C2CD4A: variants seen among roughly 807,000 people sequenced by gnomAD.
C2CD4A encodes C2 calcium dependent domain containing 4A.
C2CD4A carries 2 observed loss-of-function variants against 0.4 expected under a neutral mutation model. The observed-to-expected ratio is 4.45, with a 90% CI of 1.82 to 13.99. The LOEUF (loss-of-function observed/expected upper bound fraction) is 13.99. C2CD4A is among the 30% of genes most tolerant of loss of function. C2CD4A has a pLI of 0.04. For synonymous variants in C2CD4A, 297 were observed against 280.8 expected, an observed-to-expected ratio of 1.06 and a Z score of -0.58; for missense variants, 610 against 574.2, an observed-to-expected ratio of 1.06 and a Z score of -0.64.
chr15:62,067,744 A>C lies in C2CD4A; in HGVS notation c.131A>C (p.Asp44Ala). 3 of 1,612,778 alleles carry C rather than the reference A, an allele frequency of 1.9e-6. No individual in the cohort carries two copies. Among genetic ancestry groups the C allele is most frequent in the Admixed American group, 1.7e-5 (1 of 60,014 alleles). ...TAACANVLTP[D>A]RIPEFCIPPR... ...GCGTGCGCAAATGTGCTCACTCCGGACCGCATCCCTGAGTTCTGCATCCCG... is the reference window on the plus strand; with the variant it reads ...GCGTGCGCAAATGTGCTCACTCCGGCCCGCATCCCTGAGTTCTGCATCCCG... Residue 44 changes from aspartate to alanine, a missense_variant, in exon 2 of 2, where the codon GAC becomes GCC. Coordinates refer to ENST00000355522, the MANE Select transcript of C2CD4A (RefSeq NM_207322.3).
In C2CD4A at chr15:62,068,491, G is replaced by C. The variant is rs780595625; in HGVS notation, c.878G>C (p.Arg293Pro). 5 of 1,485,738 alleles carry C rather than the reference G, an allele frequency of 3.4e-6. No individual in the cohort carries two copies. The South Asian group carries it at 3.9e-5, about 11-fold the overall frequency. 92.0% of individuals were successfully genotyped at this position (1,485,738 alleles called of 1,614,324 possible). A position where few individuals can be genotyped will look rare whatever the true frequency, so the allele number is the denominator to read the frequency against. The change falls in exon 2 of 2, where the codon CGC (arginine) becomes CCC (proline). Residue 293 changes from arginine (R) to proline (P), a missense_variant. Transcript: ENST00000355522. ...CCCGGGCCCCGAGCCGTCAGCTGTC[G>C]CCTCAGCCTCGTCCTGCGGCCGCCG... ...GAPGPRAVSC[R>P]LSLVLRPPGT... is the part of the protein sequence containing the mutation.
chr15:62,067,882 C>T lies in C2CD4A; in HGVS notation c.269C>T (p.Ala90Val). ...RTDWDPRSQA[A>V]LSLPHLPRVR... ...GACTGGGACCCGCGCTCGCAGGCCG[C>T]GCTGTCACTGCCGCACCTGCCCCGT... Residue 90 changes from alanine to valine, a missense_variant, in exon 2 of 2, where the codon GCG (alanine) becomes GTG (valine). By Grantham distance (64) the Ala-to-Val change is moderately conservative. Coordinates refer to ENST00000355522, the MANE Select transcript of C2CD4A (RefSeq NM_207322.3). 1 of 1,604,028 alleles carries T rather than the reference C, an allele frequency of 6.2e-7. No individual in the cohort carries two copies. Among genetic ancestry groups the T allele is most frequent in the South Asian group, 1.1e-5 (1 of 90,548 alleles).
rs1244950042 is a variant in C2CD4A at position 62,068,103 on chromosome 15, T to G, written c.490T>G (p.Cys164Gly). ...PGPATPAAPG[C>G]PRPPQDALAR... is the part of the protein sequence containing the mutation. Reference sequence around the variant, plus strand: ...CCCGGCGACCCCCGCGGCCCCCGGCTGTCCCCGCCCGCCCCAGGACGCGCT... The same window carrying G: ...CCCGGCGACCCCCGCGGCCCCCGGCGGTCCCCGCCCGCCCCAGGACGCGCT... Residue 164 changes from cysteine to glycine, a missense_variant, in exon 2 of 2, where the codon TGT becomes GGT. By Grantham distance (159) the Cys-to-Gly change is radical (BLOSUM62 -3). Transcript: ENST00000355522. 78 of 1,147,800 alleles carry G rather than the reference T, an allele frequency of 6.8e-5. No homozygotes were observed. The highest frequency in any genetic ancestry group is 8.0e-5 in the Non-Finnish European group (75 of 936,482). 71.1% of individuals were successfully genotyped at this position (1,147,800 alleles called of 1,614,324 possible).
In C2CD4A at chr15:62,068,857, T is replaced by G. The variant is rs1300421533; in HGVS notation, c.*134T>G. Reference sequence around the variant, plus strand: ...AACACTGGCAGAGATGATTCTAGATTAACTATCCCAGTAAAAGATATGATA... The same window carrying G: ...AACACTGGCAGAGATGATTCTAGATGAACTATCCCAGTAAAAGATATGATA... On this transcript the variant is annotated 3_prime_UTR_variant, in exon 2 of 2. Transcript: ENST00000355522. 2 of 1,200,300 alleles carry G rather than the reference T, an allele frequency of 1.7e-6. No homozygotes were observed. The highest frequency in any genetic ancestry group is 1.6e-5 in the African/African-American group (1 of 62,654). 74.4% of individuals were successfully genotyped at this position (1,200,300 alleles called of 1,614,324 possible). A position where few individuals can be genotyped will look rare whatever the true frequency, so the allele number is the denominator to read the frequency against.
chr15:62,068,309 G>A lies in C2CD4A; in HGVS notation c.696G>A (p.Pro232=). 7.1e-7 allele frequency: 1 copy of A among 1,418,288 alleles called. No homozygotes were observed. The highest frequency in any genetic ancestry group is 1.4e-5 in the South Asian group (1 of 70,194). 87.9% of individuals were successfully genotyped at this position (1,418,288 alleles called of 1,614,324 possible). A position where few individuals can be genotyped will look rare whatever the true frequency, so the allele number is the denominator to read the frequency against. ...CCCGGGCCCCCTCCACGAGCCCGCCGTCGTCCCGGGTCCCGTTTCCCGAGC... is the reference window on the plus strand; with the variant it reads ...CCCGGGCCCCCTCCACGAGCCCGCCATCGTCCCGGGTCCCGTTTCCCGAGC... The part of the protein sequence containing the change: ...SPARAPSTSP[P]SSRVPFPERL... The change falls in exon 2 of 2, where the codon CCG becomes CCA. Residue 232 remains proline (P), a synonymous_variant. Coordinates refer to ENST00000355522, the MANE Select transcript of C2CD4A (RefSeq NM_207322.3).
rs769796624 is a variant in C2CD4A at position 62,067,742 on chromosome 15, G to C, written c.129G>C (p.Pro43=). 2.5e-6 allele frequency: 4 copies of C among 1,612,762 alleles called. No individual in the cohort carries two copies. In the South Asian group the frequency reaches 3.3e-5, roughly 13 times the overall value. The part of the protein sequence containing the change: ...TTAACANVLT[P]DRIPEFCIPP... ...CCGCGTGCGCAAATGTGCTCACTCCGGACCGCATCCCTGAGTTCTGCATCC... is the reference window on the plus strand; with the variant it reads ...CCGCGTGCGCAAATGTGCTCACTCCCGACCGCATCCCTGAGTTCTGCATCC... Residue 43 remains proline (P), a synonymous_variant, in exon 2 of 2, where the codon CCG becomes CCC. Transcript: ENST00000355522.
rs998738889 is a variant in C2CD4A at position 62,067,643 on chromosome 15, T to C, written c.30T>C (p.Gly10=). MWCLERLRL[G]PECLRRSGDW... ...GGTGCCTGGAGCGACTCCGCTTGGGTCCTGAGTGCCTTCGGCGGAGCGGAG... is the reference window on the plus strand; with the variant it reads ...GGTGCCTGGAGCGACTCCGCTTGGGCCCTGAGTGCCTTCGGCGGAGCGGAG... The change falls in exon 2 of 2, where the codon GGT becomes GGC. Residue 10 remains glycine (G), a synonymous_variant. Transcript: ENST00000355522. 1 of 1,602,500 alleles carries C rather than the reference T, an allele frequency of 6.2e-7. No homozygotes were observed. The highest frequency in any genetic ancestry group is 1.3e-5 in the African/African-American group (1 of 74,864).
Position 62,069,018 on chromosome 15 carries a change from T to C in C2CD4A, c.*295T>C, listed in dbSNP as rs2049066723. 1 of 365,504 alleles carries C rather than the reference T, an allele frequency of 2.7e-6. No homozygotes were observed. The highest frequency in any genetic ancestry group is 5.1e-6 in the Non-Finnish European group (1 of 197,076). 22.6% of individuals were successfully genotyped at this position (365,504 alleles called of 1,614,324 possible). A position where few individuals can be genotyped will look rare whatever the true frequency, so the allele number is the denominator to read the frequency against. The stretch of plus-strand genomic sequence containing the variant: ...AATGAATCACATGAAGTGTTAGAAC[T>C]AGAAAGTGTCTTGGCGATCTGTTTG... On this transcript the variant is annotated 3_prime_UTR_variant, in exon 2 of 2. Transcript: ENST00000355522.
In C2CD4A at chr15:62,068,310, T is replaced by C; in HGVS notation, c.697T>C (p.Ser233Pro). 2.1e-6 allele frequency: 3 copies of C among 1,418,524 alleles called. No individual in the cohort carries two copies. Among genetic ancestry groups the C allele is most frequent in the Non-Finnish European group, 2.8e-6 (3 of 1,087,388 alleles). The allele number at this position is 1,418,524 out of a possible 1,614,324, so 87.9% of individuals were successfully genotyped here. Residue 233 changes from serine to proline, a missense_variant, in exon 2 of 2, where the codon TCG becomes CCG. Coordinates refer to ENST00000355522, the MANE Select transcript of C2CD4A (RefSeq NM_207322.3). The stretch of plus-strand genomic sequence containing the variant: ...CCGGGCCCCCTCCACGAGCCCGCCG[T>C]CGTCCCGGGTCCCGTTTCCCGAGCG... ...PARAPSTSPPSSRVPFPERLE... is the reference protein window; with the variant it reads ...PARAPSTSPPPSRVPFPERLE...
In C2CD4A at chr15:62,068,639, G is replaced by C. The variant is rs748177039; in HGVS notation, c.1026G>C (p.Lys342Asn). ...DEVRRLAVRV[K>N]ARDEGRGRER... The stretch of plus-strand genomic sequence containing the variant: ...TGCGCCGCCTGGCCGTTCGAGTCAA[G>C]GCCCGGGACGAGGGCCGCGGCCGGG... The change falls in exon 2 of 2, where the codon AAG (lysine) becomes AAC (asparagine). Residue 342 changes from lysine to asparagine, a missense_variant. Transcript: ENST00000355522. 9.0e-6 allele frequency: 14 copies of C among 1,553,110 alleles called. No homozygotes were observed. The highest frequency in any genetic ancestry group is 1.7e-4 in the Middle Eastern group (1 of 5,940).
rs1035326539 is a variant in C2CD4A at position 62,068,297 on chromosome 15, C to G, written c.684C>G (p.Ser228=). ...AGSQSPARAP[S]TSPPSSRVPF... ...CCCAGTCCCCGGCCCGGGCCCCCTCCACGAGCCCGCCGTCGTCCCGGGTCC... is the reference window on the plus strand; with the variant it reads ...CCCAGTCCCCGGCCCGGGCCCCCTCGACGAGCCCGCCGTCGTCCCGGGTCC... The change falls in exon 2 of 2, where the codon TCC becomes TCG. Residue 228 remains serine, a synonymous_variant. Coordinates refer to ENST00000355522, the MANE Select transcript of C2CD4A (RefSeq NM_207322.3). 7.1e-7 allele frequency: 1 copy of G among 1,416,728 alleles called. No individual in the cohort carries two copies. The highest frequency in any genetic ancestry group is 2.7e-5 in the Admixed American group (1 of 37,386). 87.8% of individuals were successfully genotyped at this position (1,416,728 alleles called of 1,614,324 possible). A position where few individuals can be genotyped will look rare whatever the true frequency, so the allele number is the denominator to read the frequency against.
In C2CD4A at chr15:62,067,630, G is replaced by T; in HGVS notation, c.17G>T (p.Arg6Leu). 3 of 1,595,488 alleles carry T rather than the reference G, an allele frequency of 1.9e-6. No individual in the cohort carries two copies. Among genetic ancestry groups the T allele is most frequent in the South Asian group, 1.1e-5 (1 of 90,072 alleles). ...AGTGGCCAGATGTGGTGCCTGGAGC[G>T]ACTCCGCTTGGGTCCTGAGTGCCTT... MWCLE[R>L]LRLGPECLRR... The change falls in exon 2 of 2, where the codon CGA becomes CTA. Residue 6 changes from arginine (R) to leucine (L), a missense_variant. Physicochemically the swap from Arg to Leu is moderately radical, Grantham distance 102 (BLOSUM62 -2). Transcript: ENST00000355522.
Position 62,068,102 on chromosome 15 carries a change from C to G in C2CD4A, c.489C>G (p.Gly163=). The G allele has an allele frequency of 8.7e-7, 1 of 1,146,580 alleles. No individual in the cohort carries two copies. The highest frequency in any genetic ancestry group is 1.1e-6 in the Non-Finnish European group (1 of 935,590). 71.0% of individuals were successfully genotyped at this position (1,146,580 alleles called of 1,614,324 possible). The change falls in exon 2 of 2, where the codon GGC becomes GGG. Residue 163 remains glycine, a synonymous_variant. Transcript: ENST00000355522. ...GCCCGGCGACCCCCGCGGCCCCCGG[C>G]TGTCCCCGCCCGCCCCAGGACGCGC... ...APGPATPAAP[G]CPRPPQDALA...
In C2CD4A at chr15:62,070,256, A is replaced by T; in HGVS notation, c.*1533A>T. The T allele has an allele frequency of 2.4e-6, 1 of 413,152 alleles. No individual in the cohort carries two copies. The highest frequency in any genetic ancestry group is 4.4e-6 in the Non-Finnish European group (1 of 226,130). The allele number at this position is 413,152 out of a possible 1,614,324, so 25.6% of individuals were successfully genotyped here. A position where few individuals can be genotyped will look rare whatever the true frequency, so the allele number is the denominator to read the frequency against. ...TTAAATATACAGGATGGTGTTAAAT[A>T]TGACTCCATTATCAATCTGGATTCA... is the stretch of plus-strand genomic sequence containing the variant. On this transcript the variant is annotated 3_prime_UTR_variant, in exon 2 of 2. Coordinates refer to ENST00000355522, the MANE Select transcript of C2CD4A (RefSeq NM_207322.3).
At position 62,068,142 on chromosome 15, in the gene C2CD4A, C is replaced by G. The variant is rs1229713426; in HGVS notation, c.529C>G (p.Arg177Gly). 5.0e-6 allele frequency: 6 copies of G among 1,207,498 alleles called. No homozygotes were observed. Among genetic ancestry groups the G allele is most frequent in the Non-Finnish European group, 6.2e-6 (6 of 974,652 alleles). The allele number at this position is 1,207,498 out of a possible 1,614,324, so 74.8% of individuals were successfully genotyped here. A position where few individuals can be genotyped will look rare whatever the true frequency, so the allele number is the denominator to read the frequency against. Residue 177 changes from arginine to glycine, a missense_variant, in exon 2 of 2, where the codon CGC (arginine) becomes GGC (glycine). Transcript: ENST00000355522. ...CCAGGACGCGCTCGCCCGGCGGCCC[C>G]GCGGCTGCCGCCTCCTGCGCGTCCC... ...PPQDALARRPRGCRLLRVPDG... is the reference protein window; with the variant it reads ...PPQDALARRPGGCRLLRVPDG...
rs1004310860 is a variant in C2CD4A, at chr15:62,068,231, C to G, written c.618C>G (p.Ser206=). 3 of 1,374,688 alleles carry G rather than the reference C, an allele frequency of 2.2e-6. No individual in the cohort carries two copies. Among genetic ancestry groups the G allele is most frequent in the Non-Finnish European group, 2.8e-6 (3 of 1,062,822 alleles). 85.2% of individuals were successfully genotyped at this position (1,374,688 alleles called of 1,614,324 possible). A position where few individuals can be genotyped will look rare whatever the true frequency, so the allele number is the denominator to read the frequency against. ...GTCGCCGCCTGACCCGCGTCCGCTCCGTCTCCAGCGGGAACGAGGACAAGG... is the reference window on the plus strand; with the variant it reads ...GTCGCCGCCTGACCCGCGTCCGCTCGGTCTCCAGCGGGAACGAGGACAAGG... ...GRSRRLTRVR[S]VSSGNEDKER... Residue 206 remains serine, a synonymous_variant, in exon 2 of 2, where the codon TCC becomes TCG. Coordinates refer to ENST00000355522, the MANE Select transcript of C2CD4A (RefSeq NM_207322.3).
Position 62,067,734 on chromosome 15 carries a change from C to T in C2CD4A, c.121C>T (p.Leu41Phe). The change falls in exon 2 of 2, where the codon CTC becomes TTC. Residue 41 changes from leucine (L) to phenylalanine (F), a missense_variant. Physicochemically the swap from Leu to Phe is conservative, Grantham distance 22 (BLOSUM62 0). Transcript: ENST00000355522. ...CACCACCGCCGCGTGCGCAAATGTG[C>T]TCACTCCGGACCGCATCCCTGAGTT... ...SRTTAACANV[L>F]TPDRIPEFCI... 1 of 1,612,550 alleles carries T rather than the reference C, an allele frequency of 6.2e-7. No homozygotes were observed.
Position 62,069,083 on chromosome 15 carries a change from A to G in C2CD4A, c.*360A>G, listed in dbSNP as rs938733476. The G allele has an allele frequency of 2.4e-5, 6 of 247,856 alleles. No individual in the cohort carries two copies. Among genetic ancestry groups the G allele is most frequent in the Admixed American group, 5.6e-5 (1 of 17,746 alleles). The allele number at this position is 247,856 out of a possible 1,614,324, so 15.4% of individuals were successfully genotyped here. On this transcript the variant is annotated 3_prime_UTR_variant, in exon 2 of 2. Transcript: ENST00000355522. ...TTTTAAAATTGGTGCTTTCCACAACATGCATGGAGACCATCTTGGAGCATT... is the reference window on the plus strand; with the variant it reads ...TTTTAAAATTGGTGCTTTCCACAACGTGCATGGAGACCATCTTGGAGCATT...
In C2CD4A at chr15:62,067,689, GC is replaced by G. The variant is rs2049053489; in HGVS notation, c.79del (p.Arg27AlafsTer163). Reference sequence around the variant, plus strand: ...CGGAGACTGGCTTCTCCCGGGTCGGGCCCGCGGAGCCAAGTCTCGCACCACC... The same window carrying G: ...CGGAGACTGGCTTCTCCCGGGTCGGGCCGCGGAGCCAAGTCTCGCACCACC... ...RSGDWLLPGRARGAKSRTTAA... is the reference protein window; with the variant it reads ...RSGDWLLPGRXRGAKSRTTAA... On this transcript the variant is annotated frameshift_variant, in exon 2 of 2. Transcript: ENST00000355522. LOFTEE classifies it low-confidence loss of function (END_TRUNC). 6.2e-7 allele frequency: 1 copy of G among 1,607,936 alleles called. No homozygotes were observed. The highest frequency in any genetic ancestry group is 1.7e-5 in the Admixed American group (1 of 59,966).
Sources: allele counts gnomAD v4.1 joint callset, GRCh38; gene constraint gnomAD v4.1.1; transcripts MANE v1.5; gene names NCBI Gene and HGNC (gene_info 2026-07-23, HGNC 2026-07-21).